The following CDYL variants were observed in gnomAD, a reference collection of about 807,000 sequenced individuals.
CDYL encodes the protein chromodomain Y like.
Under a neutral mutation model 47.3 loss-of-function variants are expected in CDYL, and 8 were observed. The ratio of observed to expected loss-of-function variants is 0.17; its 90% CI spans 0.10 to 0.31. The LOEUF is 0.31. Among genes scored for constraint, CDYL ranks in the 10% least tolerant of loss-of-function variants. The pLI is 1.00. For missense variants in CDYL, 471 were observed against 701.4 expected, an observed-to-expected ratio of 0.67 and a Z score of 3.71; for synonymous variants, 266 against 265.0, an observed-to-expected ratio of 1.00 and a Z score of -0.04.
chr6:4,890,294 A>G (rs1428059027), intron 1 of CDYL, among the ~76,000 whole-genome samples: 1 of 152,150 alleles, frequency 6.6e-6, no homozygotes, highest in East Asian at 1.9e-4. Flanking sequence ...ACCCTCATAC[A>G]CAACTATTCA....
intron 2 of CDYL, among the ~76,000 whole-genome samples, chr6:4,900,823 ATATATATCT>A (rs1757024314): frequency 1.2e-5 from 1 of 82,424 alleles, no homozygotes; most frequent in East Asian, 3.6e-4. Context: ...ATATATATAT[ATATATATCT>A]TGCCTGTTTT....
chr6:4,869,388 G>A (rs1423728826), intron 1 of CDYL, among the ~76,000 whole-genome samples: 1 of 152,106 alleles, frequency 6.6e-6, no homozygotes, highest in Admixed American at 6.6e-5. Context: ...GAGCCACCGT[G>A]CCTGGCCTTG....
intron 1 of CDYL, among the ~76,000 whole-genome samples, chr6:4,790,689 C>T (rs1758894464): frequency 6.6e-6 from 1 of 152,154 alleles, no homozygotes; most frequent in South Asian, 2.1e-4. Flanking sequence ...TTCCTGTGTA[C>T]AGCACCTTGG....
At chr6:4,872,857 A>G (rs1167889141) in intron 1 of CDYL, among the ~76,000 whole-genome samples, 1 of 152,234 alleles carries the variant, frequency 6.6e-6, no homozygotes, top group Non-Finnish European at 1.5e-5. Context: ...TCATAAAGCC[A>G]GACAGTAAAG....
In CDYL at chr6:4,800,677, ACTT is replaced by A. The variant is rs576031221; in HGVS notation, c.24+23876_24+23878del. 9.9e-5 allele frequency among the ~76,000 whole-genome samples: 15 copies of A among 152,256 alleles called. No individual in the cohort carries two copies. In the South Asian group the frequency reaches 2.7e-3, roughly 27 times the overall value. On this transcript the variant is annotated intron_variant, in intron 1 of 6. Coordinates refer to ENST00000397588, the MANE Select transcript of CDYL (RefSeq NM_004824.4). Reference sequence around the variant, plus strand: ...TATTTTACCTTCATTTTTAAAGGAAACTTCTTCTGAATACTAGAATTCTTGGTT... The same window carrying A: ...TATTTTACCTTCATTTTTAAAGGAAACTTCTGAATACTAGAATTCTTGGTT...
At chr6:4,744,877 C>T (rs1397043226) in intron 3 of CDYL, among the ~76,000 whole-genome samples, 2 of 152,070 alleles carry the variant, frequency 1.3e-5, no homozygotes, top group African/African-American at 4.8e-5. Context: ...TGACTCTCAA[C>T]TGTGTCAACT....
In CDYL at chr6:4,784,901, C is replaced by G. The variant is rs116498141; in HGVS notation, c.24+8094C>G. On this transcript the variant is annotated intron_variant, in intron 1 of 6. Transcript: ENST00000397588. The stretch of plus-strand genomic sequence containing the variant: ...TCTCATGGTTTGATAAAAAGGAGTT[C>G]CCCTGCACAAGCTCTCTTGCCTGCC... Among the ~76,000 whole-genome samples, 770 of 151,808 alleles carry G rather than the reference C, an allele frequency of 5.1e-3. 5 individuals are homozygous for G. The highest frequency in any genetic ancestry group is 0.018 in the African/African-American group (745 of 41,098).
In CDYL at chr6:4,797,995, C is replaced by T. The variant is rs747851335; in HGVS notation, c.24+21188C>T. Among the ~76,000 whole-genome samples the T allele has an allele frequency of 1.4e-3, 219 of 151,628 alleles. 2 individuals carry two copies. The highest frequency in any genetic ancestry group is 7.4e-4 in the Non-Finnish European group (50 of 67,940). On this transcript the variant is annotated intron_variant, in intron 1 of 6. Transcript: ENST00000397588. ...TTTCTTTTCTTCCTTTTTTTGGAGA[C>T]AGGATTTTATTCTGTTGCCCAGGCT...
At chr6:4,825,651 C>T (rs1309760440) in intron 1 of CDYL, among the ~76,000 whole-genome samples, 1 of 152,128 alleles carries the variant, frequency 6.6e-6, no homozygotes, top group Non-Finnish European at 1.5e-5. Flanking sequence ...TTGATTTTCT[C>T]ATATTAAACC....
At chr6:4,942,862 G>T (rs2127524437) in intron 4 of CDYL, among the ~76,000 whole-genome samples, 1 of 152,316 alleles carries the variant, frequency 6.6e-6, no homozygotes, top group South Asian at 2.1e-4. Context: ...GCCCTCAGTG[G>T]AGCAGGATGT....
In CDYL at chr6:4,789,081, T is replaced by C. The variant is rs144357386; in HGVS notation, c.24+12274T>C. On this transcript the variant is annotated intron_variant, in intron 1 of 6. Coordinates refer to ENST00000397588, the MANE Select transcript of CDYL (RefSeq NM_004824.4). ...AAGCTCCTGGTTTTCGTGTTTTTTGTTTGTTTGTTTTTGAGACAGGGTCTT... is the reference window on the plus strand; with the variant it reads ...AAGCTCCTGGTTTTCGTGTTTTTTGCTTGTTTGTTTTTGAGACAGGGTCTT... Among the ~76,000 whole-genome samples, 864 of 152,108 alleles carry C rather than the reference T, an allele frequency of 5.7e-3. 5 individuals are homozygous for C. Among genetic ancestry groups the C allele is most frequent in the African/African-American group, 0.019 (808 of 41,486 alleles).
At position 4,943,536 on chromosome 6, in the gene CDYL, T is replaced by C. The variant is rs748032693; in HGVS notation, c.1122-10T>C. ...GTTTTGAGTAATTCCCCATTTATTT[T>C]TCATTTTAGAAACTTCGTGAATACT... On this transcript the variant is annotated splice_polypyrimidine_tract_variant and intron_variant, in intron 4 of 6. Coordinates refer to ENST00000397588, the MANE Select transcript of CDYL (RefSeq NM_004824.4). 1 of 1,576,410 alleles carries C rather than the reference T, an allele frequency of 6.3e-7. No homozygotes were observed. The highest frequency in any genetic ancestry group is 1.1e-5 in the South Asian group (1 of 88,920).
At position 4,727,742 on chromosome 6, in the gene CDYL, G is replaced by A. The variant is rs369069066; in HGVS notation, c.104-7020G>A. ...CTGCCCTTTGGGGTGGGATGCCACCGTGATAAAATACAGTGTCATGTTTGC... is the reference window on the plus strand; with the variant it reads ...CTGCCCTTTGGGGTGGGATGCCACCATGATAAAATACAGTGTCATGTTTGC... On this transcript the variant is annotated intron_variant, in intron 2 of 8. Coordinates refer to the CDYL transcript ENST00000328908. Among the ~76,000 whole-genome samples, 45 of 152,230 alleles carry A rather than the reference G, an allele frequency of 3.0e-4. No homozygotes were observed. In the East Asian group the frequency reaches 4.6e-3, roughly 16 times the overall value.
chr6:4,815,580 C>T (rs779197986), intron 1 of CDYL, among the ~76,000 whole-genome samples: 5 of 151,700 alleles, frequency 3.3e-5, no homozygotes, highest in Non-Finnish European at 7.4e-5. Flanking sequence ...TGCCTTCCTG[C>T]ATGTGTATCA....
chr6:4,835,105 T>C (rs922286125), intron 1 of CDYL, among the ~76,000 whole-genome samples: 18 of 152,230 alleles, frequency 1.2e-4, no homozygotes, highest in Admixed American at 1.0e-3. Context: ...TTTGTTCCAT[T>C]GCTGGTGAGG....
chr6:4,852,788 C>G (rs1339589683), intron 1 of CDYL, among the ~76,000 whole-genome samples: 1 of 148,812 alleles, frequency 6.7e-6, no homozygotes, highest in African/African-American at 2.6e-5. Flanking sequence ...GGAACCCTTT[C>G]TCATGGGTTT....
chr6:4,789,795 G>A (rs1361863773), intron 1 of CDYL, among the ~76,000 whole-genome samples: 1 of 152,156 alleles, frequency 6.6e-6, no homozygotes, highest in Non-Finnish European at 1.5e-5. Flanking sequence ...CCTGGGTAGG[G>A]CCCCCGCAGC....
intron 3 of CDYL, among the ~76,000 whole-genome samples, chr6:4,758,700 A>G (rs1758117752): frequency 1.3e-5 from 2 of 152,042 alleles, no homozygotes; most frequent in South Asian, 2.1e-4. Context: ...TCTGGAAAAT[A>G]TAAGAGGAAG....
intron 2 of CDYL, among the ~76,000 whole-genome samples, chr6:4,716,592 A>ACC (rs1188554983): frequency 9.5e-6 from 1 of 105,428 alleles, no homozygotes; most frequent in African/African-American, 4.3e-5. Flanking sequence ...AGGCAGCAAT[A>ACC]ATTTTTTTTT....
Sources: allele counts gnomAD v4.1 joint callset (sites outside exome capture counted in the v4.1 genomes callset), GRCh38; gene constraint gnomAD v4.1.1; transcripts MANE v1.5; gene names NCBI Gene and HGNC (gene_info 2026-07-23, HGNC 2026-07-21).